SMPDL3A: variants seen among roughly 807,000 people sequenced by gnomAD.
SMPDL3A encodes the protein sphingomyelin phosphodiesterase acid like 3A.
In SMPDL3A, 39 loss-of-function variants were observed where a neutral mutation model predicts 38.5. The ratio of observed to expected loss-of-function variants is 1.01; its 90% CI spans 0.78 to 1.32. SMPDL3A has a LOEUF of 1.32. SMPDL3A is among the 40% of genes most tolerant of loss of function. The pLI, the probability that SMPDL3A is intolerant of heterozygous loss-of-function variation, is 0.00. For missense variants in SMPDL3A, 502 were observed against 536.2 expected (o/e 0.94, Z 0.63); for synonymous variants, 180 against 194.3 (o/e 0.93, Z 0.61).
intron 6 of SMPDL3A, among the ~76,000 whole-genome samples, chr6:122,805,691 C>T (rs150818386): frequency 1.4e-3 from 216 of 152,282 alleles, no homozygotes; most frequent in Non-Finnish European, 2.4e-3. Flanking sequence ...CCTGCGATCT[C>T]GGCTCACTGC....
chr6:122,807,962 T>A (rs973528533), intron 7 of SMPDL3A, among the ~76,000 whole-genome samples: 7 of 152,174 alleles, frequency 4.6e-5, no homozygotes, highest in African/African-American at 1.7e-4. Context: ...TGTTTATGTA[T>A]CTAATACACA....
intron 4 of SMPDL3A, among the ~76,000 whole-genome samples, chr6:122,802,490 C>T (rs987040467): frequency 3.3e-5 from 5 of 152,140 alleles, no homozygotes; most frequent in African/African-American, 1.2e-4. Context: ...GCATGAGCCA[C>T]CGTGCCCGGC....
chr6:122,801,779 A>T (rs1781436070), intron 4 of SMPDL3A, among the ~76,000 whole-genome samples: 1 of 152,246 alleles, frequency 6.6e-6, no homozygotes, highest in Non-Finnish European at 1.5e-5. Context: ...TAAAACAAAG[A>T]GCTGGTAAAG....
chr6:122,805,457 TTC>T (rs1170529012), intron 6 of SMPDL3A, among the ~76,000 whole-genome samples: 11 of 152,354 alleles, frequency 7.2e-5, no homozygotes, highest in Admixed American at 1.3e-4. Context: ...CATGTTTTAT[TTC>T]TCAGAATTTA....
chr6:122,800,608 C>T (rs1781396319), intron 3 of SMPDL3A, among the ~76,000 whole-genome samples: 1 of 152,168 alleles, frequency 6.6e-6, no homozygotes, highest in African/African-American at 2.4e-5. Flanking sequence ...GTGCCTATGC[C>T]TATGCCTATG....
chr6:122,801,228 T>C, intron 3 of SMPDL3A, 82 bp from the exon 4 acceptor site: 3 of 895,632 alleles, frequency 3.3e-6, no homozygotes, highest in Non-Finnish European at 3.7e-6. Context: ...CCTAACGTAG[T>C]AGTCAGTGCT....
At chr6:122,799,888 A>G (rs901596779) in intron 3 of SMPDL3A, among the ~76,000 whole-genome samples, 1 of 152,078 alleles carries the variant, frequency 6.6e-6, no homozygotes, top group Non-Finnish European at 1.5e-5. Flanking sequence ...GTCATTTAAC[A>G]TAATTTTTTA....
Position 122,804,977 on chromosome 6 carries a change from A to C in SMPDL3A, c.807A>C (p.Glu269Asp). Residue 269 changes from glutamate (E) to aspartate (D), a missense_variant, in exon 6 of 8, where the codon GAA becomes GAC. Coordinates refer to ENST00000368440, the MANE Select transcript of SMPDL3A (RefSeq NM_006714.5). ...PSSQNITAMR[E>D]YYNEKLIDIF... ...CACAGAACATCACAGCAATGAGAGA[A>C]TACTATAATGAGAAATTGATAGATA... 6.2e-7 allele frequency: 1 copy of C among 1,613,584 alleles called. No homozygotes were observed. Among genetic ancestry groups the C allele is most frequent in the Non-Finnish European group, 8.5e-7 (1 of 1,179,802 alleles).
chr6:122,805,182 G>A (rs1344405967), intron 6 of SMPDL3A, 93 bp downstream of exon 6: 15 of 1,100,656 alleles, frequency 1.4e-5, no homozygotes, highest in East Asian at 7.8e-5. Context: ...TAAATTAAAC[G>A]TTTTATTTAA....
chr6:122,801,089 G>A (rs1015476647), intron 3 of SMPDL3A, among the ~76,000 whole-genome samples: 12 of 152,210 alleles, frequency 7.9e-5, no homozygotes, highest in South Asian at 4.1e-4. Context: ...TAGGCTCCCC[G>A]GACCTCTGGG....
In SMPDL3A at chr6:122,796,811, T is replaced by C; in HGVS notation, c.327-13T>C. 1 of 1,607,680 alleles carries C rather than the reference T, an allele frequency of 6.2e-7. No individual in the cohort carries two copies. Among genetic ancestry groups the C allele is most frequent in the Non-Finnish European group, 8.5e-7 (1 of 1,177,262 alleles). Reference sequence around the variant, plus strand: ...AACTGATTTTGTTCTTTACAATCTCTCTCTTTTTTCAGGGATAGCCCACCT... The same window carrying C: ...AACTGATTTTGTTCTTTACAATCTCCCTCTTTTTTCAGGGATAGCCCACCT... On this transcript the variant is annotated splice_polypyrimidine_tract_variant and intron_variant, in intron 2 of 7. Transcript: ENST00000368440.
chr6:122,801,564 G>C (rs553182415), intron 4 of SMPDL3A, among the ~76,000 whole-genome samples, 158 bp downstream of exon 4: 49 of 152,314 alleles, frequency 3.2e-4, no homozygotes, highest in African/African-American at 1.1e-3. Context: ...GACACAGGTC[G>C]TGAACCTGTT....
At chr6:122,790,016 C>A in intron 1 of SMPDL3A, 5 of 224,332 alleles carry the variant, frequency 2.2e-5, no homozygotes, top group Non-Finnish European at 3.7e-5. Flanking sequence ...CGGGTAGACT[C>A]ACCCCTTAGT....
In SMPDL3A at chr6:122,809,108, C is replaced by T; in HGVS notation, c.1062C>T (p.Tyr354=). Residue 354 remains tyrosine, a synonymous_variant, in exon 8 of 8, where the codon TAC becomes TAT. Transcript: ENST00000368440. ...DYKLLDMLQY[Y]LNLTEANLKG... ...AACTGCAGGATATGTTGCAGTATTA[C>T]TTGAATCTGACAGAGGCGAATCTAA... 1 of 1,613,948 alleles carries T rather than the reference C, an allele frequency of 6.2e-7. No individual in the cohort carries two copies. The highest frequency in any genetic ancestry group is 8.5e-7 in the Non-Finnish European group (1 of 1,179,876).
chr6:122,800,368 A>G (rs1283572105), intron 3 of SMPDL3A, among the ~76,000 whole-genome samples: 1 of 152,240 alleles, frequency 6.6e-6, no homozygotes, highest in Non-Finnish European at 1.5e-5. Flanking sequence ...CAAAGAGTTA[A>G]GAAGCTTATA....
At chr6:122,802,749 A>G (rs913065101) in intron 4 of SMPDL3A, among the ~76,000 whole-genome samples, 2 of 152,202 alleles carry the variant, frequency 1.3e-5, no homozygotes, top group Non-Finnish European at 2.9e-5. Flanking sequence ...ACACTGGAGT[A>G]TAATATTAAG....
At chr6:122,793,267 C>T (rs1293172560) in intron 1 of SMPDL3A, among the ~76,000 whole-genome samples, 1 of 152,120 alleles carries the variant, frequency 6.6e-6, no homozygotes, top group Non-Finnish European at 1.5e-5. Flanking sequence ...GGCTTTACTT[C>T]TACTAAGTCA....
intron 1 of SMPDL3A, among the ~76,000 whole-genome samples, chr6:122,794,241 A>G (rs983022494): frequency 6.6e-6 from 1 of 152,224 alleles, no homozygotes; most frequent in Non-Finnish European, 1.5e-5. Context: ...CCTGGCACAT[A>G]GAAAATACTT....
At chr6:122,807,032 A>G (rs1442768721) in intron 7 of SMPDL3A, among the ~76,000 whole-genome samples, 2 of 151,012 alleles carry the variant, frequency 1.3e-5, no homozygotes, top group Non-Finnish European at 2.9e-5. Flanking sequence ...GCGGGACTAC[A>G]GGCATGTACC....
Sources: gnomAD v4.1 joint callset for allele counts (sites outside exome capture counted in the v4.1 genomes callset) on GRCh38, gnomAD v4.1.1 for gene constraint, MANE v1.5 for transcripts, NCBI Gene and HGNC (gene_info 2026-07-23, HGNC 2026-07-21) for gene names.